The following C1GALT1 variants were observed in gnomAD, a reference collection of about 807,000 sequenced individuals.
The protein encoded by C1GALT1 is glycoprotein-N-acetylgalactosamine 3-beta-galactosyltransferase 1.
Under a neutral mutation model 31.0 loss-of-function variants are expected in C1GALT1, and 11 were observed. The ratio of observed to expected loss-of-function variants is 0.36; its 90% CI spans 0.22 to 0.59. C1GALT1 has a LOEUF of 0.59. Ranked by LOEUF, C1GALT1 falls within the 20% of genes least tolerant of loss-of-function variation. C1GALT1 has a pLI of 0.79. For synonymous variants in C1GALT1, 175 were observed against 143.6 expected, an observed-to-expected ratio of 1.22 and a Z score of -1.56; for missense variants, 424 against 425.2, an observed-to-expected ratio of 1.00 and a Z score of 0.03.
In C1GALT1 at chr7:7,238,187, A is replaced by T; in HGVS notation, c.221-68A>T. ...TTGAAATTAGGACAGTGCTTTCTTC[A>T]GTATAATTTATTAATATTTGGATTT... On this transcript the variant is annotated intron_variant, in intron 2 of 3. Coordinates refer to ENST00000436587, the MANE Select transcript of C1GALT1 (RefSeq NM_020156.5). The surrounding 1 kb of genome is among the most constrained non-coding windows in gnomAD (Gnocchi z 5.2). 1 of 1,367,596 alleles carries T rather than the reference A, an allele frequency of 7.3e-7. No individual in the cohort carries two copies. The highest frequency in any genetic ancestry group is 9.9e-7 in the Non-Finnish European group (1 of 1,009,606). The allele number at this position is 1,367,596 out of a possible 1,614,324, so 84.7% of individuals were successfully genotyped here. A position where few individuals can be genotyped will look rare whatever the true frequency, so the allele number is the denominator to read the frequency against.
intron 1 of C1GALT1, among the ~76,000 whole-genome samples, chr7:7,228,248 C>G (rs1782892600): frequency 6.6e-6 from 1 of 152,066 alleles, no homozygotes; most frequent in African/African-American, 2.4e-5. Flanking sequence ...CCTTTTTTAA[C>G]AATGAATAGC....
intron 1 of C1GALT1, among the ~76,000 whole-genome samples, chr7:7,197,267 CA>C (rs1193491930): frequency 1.3e-5 from 2 of 150,064 alleles, no homozygotes; most frequent in African/African-American, 5.0e-5. Flanking sequence ...TATGGCTAGC[CA>C]GTTTTCCCAG....
intron 1 of C1GALT1, among the ~76,000 whole-genome samples, chr7:7,229,231 G>A (rs544650528): frequency 6.6e-6 from 1 of 152,246 alleles, no homozygotes; most frequent in East Asian, 1.9e-4. Context: ...TGGTGAAGTG[G>A]CTGTGTATGG....
In C1GALT1 at chr7:7,239,185, C is replaced by T. The variant is rs548270315; in HGVS notation, c.888+263C>T. Among the ~76,000 whole-genome samples the T allele has an allele frequency of 6.6e-5, 10 of 152,276 alleles. No homozygotes were observed. The South Asian group carries it at 1.4e-3, about 22-fold the overall frequency. On this transcript the variant is annotated intron_variant, in intron 3 of 3. Coordinates refer to ENST00000436587, the MANE Select transcript of C1GALT1 (RefSeq NM_020156.5). ...TAAATCACAGCCAATTTCCAGTTCTCGTGAACCTTACATTCTGGATGAGGA... is the reference window on the plus strand; with the variant it reads ...TAAATCACAGCCAATTTCCAGTTCTTGTGAACCTTACATTCTGGATGAGGA...
At chr7:7,217,438 T>C (rs1451736113) in intron 1 of C1GALT1, among the ~76,000 whole-genome samples, 1 of 151,932 alleles carries the variant, frequency 6.6e-6, no homozygotes, top group Non-Finnish European at 1.5e-5. Context: ...TCACAAGTGA[T>C]CCTCCTGCCT....
chr7:7,197,673 A>T (rs938300928), intron 1 of C1GALT1, among the ~76,000 whole-genome samples: 15 of 152,172 alleles, frequency 9.9e-5, no homozygotes, highest in Non-Finnish European at 1.6e-4. Context: ...CCTATCCATG[A>T]GCATGGAATG....
At chr7:7,237,308 C>G (rs994362609) in intron 2 of C1GALT1, among the ~76,000 whole-genome samples, 3 of 152,126 alleles carry the variant, frequency 2.0e-5, no homozygotes, top group African/African-American at 7.2e-5. Context: ...GCGGTCCTGG[C>G]CTGACACTTT....
At chr7:7,222,725 G>A (rs1782564584) in intron 1 of C1GALT1, among the ~76,000 whole-genome samples, 1 of 152,170 alleles carries the variant, frequency 6.6e-6, no homozygotes, top group South Asian at 2.1e-4. Context: ...TTTAGTAATG[G>A]CGTTATAGTT....
At chr7:7,224,471 C>CGG (rs1466700895) in intron 1 of C1GALT1, among the ~76,000 whole-genome samples, 1 of 121,556 alleles carries the variant, frequency 8.2e-6, no homozygotes, top group Non-Finnish European at 1.7e-5. Flanking sequence ...GGGTCAGGGG[C>CGG]GGGGGGTGAG....
chr7:7,166,545 C>T (rs1241246808), intron 2 of C1GALT1, among the ~76,000 whole-genome samples: 53 of 152,040 alleles, frequency 3.5e-4, no homozygotes, highest in Admixed American at 6.6e-5. Flanking sequence ...GTGATAGATA[C>T]ATTCATTATC....
At chr7:7,239,164 T>C (rs1393700350) in intron 3 of C1GALT1, among the ~76,000 whole-genome samples, 1 of 152,160 alleles carries the variant, frequency 6.6e-6, no homozygotes, top group Non-Finnish European at 1.5e-5. Context: ...TAGAAGTAAA[T>C]CACAGCCAAT....
rs776366321 is a variant in C1GALT1 at position 7,243,637 on chromosome 7, A to C, written c.1002A>C (p.Arg334Ser). 4 of 1,612,564 alleles carry C rather than the reference A, an allele frequency of 2.5e-6. No homozygotes were observed. Among genetic ancestry groups the C allele is most frequent in the Non-Finnish European group, 3.4e-6 (4 of 1,179,356 alleles). ...TTCGTCCATATGGTTATTTATACAGATATCAACCTACCTTACCTGAACGTA... is the reference window on the plus strand; with the variant it reads ...TTCGTCCATATGGTTATTTATACAGCTATCAACCTACCTTACCTGAACGTA... Reference protein sequence around the residue: ...YHLRPYGYLYRYQPTLPERIL... With the variant: ...YHLRPYGYLYSYQPTLPERIL... Residue 334 changes from arginine to serine, a missense_variant, in exon 4 of 4, where the codon AGA becomes AGC. Transcript: ENST00000436587.
intron 1 of C1GALT1, among the ~76,000 whole-genome samples, chr7:7,207,682 G>C (rs1781811271): frequency 1.3e-5 from 2 of 150,886 alleles, no homozygotes; most frequent in Non-Finnish European, 3.0e-5. Context: ...CTGTTTCTTT[G>C]TATACCTTGT....
intron 1 of C1GALT1, among the ~76,000 whole-genome samples, chr7:7,219,511 AAAAT>A (rs1301424846): frequency 2.1e-4 from 32 of 152,348 alleles, no homozygotes; most frequent in African/African-American, 7.7e-4. Context: ...TACTCTGAAA[AAAAT>A]AAAGCCTTAA....
At chr7:7,208,099 G>A (rs936120619) in intron 1 of C1GALT1, among the ~76,000 whole-genome samples, 2 of 152,112 alleles carry the variant, frequency 1.3e-5, no homozygotes, top group African/African-American at 2.4e-5. Context: ...TCATATGCAC[G>A]TTGTATATGT....
At chr7:7,168,566 C>G (rs1308256707) in intron 2 of C1GALT1, among the ~76,000 whole-genome samples, 1 of 152,154 alleles carries the variant, frequency 6.6e-6, no homozygotes, top group East Asian at 1.9e-4. Context: ...TCCTATTTTT[C>G]CTGTTAATGA....
At chr7:7,231,596 A>C (rs925989912) in intron 1 of C1GALT1, among the ~76,000 whole-genome samples, 2 of 152,144 alleles carry the variant, frequency 1.3e-5, no homozygotes, top group African/African-American at 4.8e-5. Context: ...TTCTATGCCT[A>C]ATTTCTTAAT....
upstream of C1GALT1, among the ~76,000 whole-genome samples, chr7:7,179,050 C>T (rs1795413147): frequency 6.6e-6 from 1 of 152,202 alleles, no homozygotes. Flanking sequence ...ACTCACATGG[C>T]TCTTGTCAGA....
At chr7:7,198,047 C>T (rs1322823310) in intron 1 of C1GALT1, among the ~76,000 whole-genome samples, 1 of 152,118 alleles carries the variant, frequency 6.6e-6, no homozygotes, top group Non-Finnish European at 1.5e-5. Context: ...TGCCTGATTG[C>T]CCTGGCCAGA....
Sources: allele counts gnomAD v4.1 joint callset (sites outside exome capture counted in the v4.1 genomes callset), GRCh38; gene constraint gnomAD v4.1.1; non-coding constraint Gnocchi (gnomAD v3.1); transcripts MANE v1.5; gene names NCBI Gene and HGNC (gene_info 2026-07-23, HGNC 2026-07-21).